Variants in SV2C observed in about 807,000 individuals in gnomAD.
The protein encoded by SV2C is synaptic vesicle glycoprotein 2C.
Under a neutral mutation model 79.7 loss-of-function variants are expected in SV2C, and 49 were observed. The ratio of observed to expected loss-of-function variants is 0.61; its 90% CI spans 0.49 to 0.78. The LOEUF (loss-of-function observed/expected upper bound fraction) is 0.78, where lower values mean the gene tolerates loss of function less well. SV2C is among the 30% of genes least tolerant of loss of function. The probability of loss-of-function intolerance (pLI) is 0.00; values close to 1 mark genes in which losing one functional copy is unlikely to be tolerated. For synonymous variants in SV2C, 334 were observed against 333.2 expected (o/e 1.00, Z -0.03); for missense variants, 833 against 912.9 (o/e 0.91, Z 1.13).
At chr5:75,910,735 G>A in the SV2C span, 171 of 1,373,366 alleles carry the variant, frequency 1.2e-4, no homozygotes, top group Non-Finnish European at 1.7e-4. Context: ...TTGAAGATCT[G>A]AACCAAAAAC....
At chr5:76,164,555 T>A (rs1293629474) in intron 2 of SV2C, among the ~76,000 whole-genome samples, 1 of 152,230 alleles carries the variant, frequency 6.6e-6, no homozygotes, top group African/African-American at 2.4e-5. Flanking sequence ...TGAAGTTAAA[T>A]CATGTGACTA....
At chr5:76,057,524 G>A in the SV2C span, among the ~76,000 whole-genome samples, 3 of 152,060 alleles carry the variant, frequency 2.0e-5, no homozygotes, top group Admixed American at 6.6e-5. Context: ...TGATGGTGAA[G>A]TTTTAAATAA....
At chr5:76,229,872 G>T (rs1423257047) in intron 4 of SV2C, among the ~76,000 whole-genome samples, 1 of 152,236 alleles carries the variant, frequency 6.6e-6, no homozygotes, top group Non-Finnish European at 1.5e-5. Context: ...TGCTGGTGCA[G>T]TCATTCTGGA....
At chr5:76,039,997 T>A in the SV2C span, among the ~76,000 whole-genome samples, 2 of 152,166 alleles carry the variant, frequency 1.3e-5, no homozygotes, top group African/African-American at 2.4e-5. Context: ...GTAATAGTAA[T>A]GGCATCTTTT....
the SV2C span, among the ~76,000 whole-genome samples, chr5:75,970,958 T>C: frequency 6.6e-6 from 1 of 151,966 alleles, no homozygotes. Flanking sequence ...CAGCAGCACA[T>C]CAAAAAGCTT....
intron 4 of SV2C, among the ~76,000 whole-genome samples, chr5:76,254,818 T>A (rs938354848): frequency 1.3e-5 from 2 of 152,224 alleles, no homozygotes; most frequent in African/African-American, 4.8e-5. Flanking sequence ...CATGTATTAT[T>A]ATTGTAACCA....
chr5:75,987,967 T>C, the SV2C span, among the ~76,000 whole-genome samples: 1 of 152,034 alleles, frequency 6.6e-6, no homozygotes, highest in Non-Finnish European at 1.5e-5. Flanking sequence ...GTTACTGATT[T>C]GTAAAATGAG....
intron 2 of SV2C, among the ~76,000 whole-genome samples, chr5:76,181,551 G>A (rs2112300607): frequency 6.6e-6 from 1 of 152,226 alleles, no homozygotes. Flanking sequence ...TACAATCTTG[G>A]CAGAAGGTGA....
chr5:75,891,268 C>A, the SV2C span, among the ~76,000 whole-genome samples: 2 of 152,126 alleles, frequency 1.3e-5, no homozygotes, highest in African/African-American at 4.8e-5. Context: ...TAACCAGGAA[C>A]TGGGTCTCCT....
chr5:76,075,098 G>A, the SV2C span, among the ~76,000 whole-genome samples: 1 of 152,142 alleles, frequency 6.6e-6, no homozygotes, highest in South Asian at 2.1e-4. Context: ...GCACACCAGG[G>A]TTCTGGCACC....
the SV2C span, among the ~76,000 whole-genome samples, chr5:75,906,044 G>C: frequency 4.0e-5 from 6 of 151,396 alleles, no homozygotes; most frequent in Non-Finnish European, 8.8e-5. Flanking sequence ...AGTGGAGATG[G>C]AACAGCACAG....
chr5:76,041,934 C>A, the SV2C span, among the ~76,000 whole-genome samples: 3 of 152,238 alleles, frequency 2.0e-5, no homozygotes, highest in South Asian at 2.1e-4. Flanking sequence ...AGAACTCCCC[C>A]CAAAATCCAG....
intron 4 of SV2C, among the ~76,000 whole-genome samples, chr5:76,252,848 G>A (rs1349087632): frequency 6.6e-6 from 1 of 152,150 alleles, no homozygotes; most frequent in East Asian, 1.9e-4. Flanking sequence ...GACAAACTCT[G>A]TCTCATTCTA....
chr5:76,049,182 A>T, the SV2C span, among the ~76,000 whole-genome samples: 2 of 151,914 alleles, frequency 1.3e-5, no homozygotes, highest in Non-Finnish European at 2.9e-5. Context: ...CTAAAACTAC[A>T]AAAAATTAGC....
At chr5:76,236,576 A>T (rs1418678651) in intron 4 of SV2C, among the ~76,000 whole-genome samples, 3 of 151,594 alleles carry the variant, frequency 2.0e-5, no homozygotes, top group African/African-American at 7.3e-5. Flanking sequence ...AAATAAAATA[A>T]AATAAAGAGA....
chr5:76,018,647 T>A, the SV2C span, among the ~76,000 whole-genome samples: 2 of 152,170 alleles, frequency 1.3e-5, no homozygotes, highest in South Asian at 4.1e-4. Flanking sequence ...AATGTATCAA[T>A]GGTAATAGGA....
At chr5:76,293,817 G>A (rs1183675888) in intron 8 of SV2C, among the ~76,000 whole-genome samples, 1 of 152,162 alleles carries the variant, frequency 6.6e-6, no homozygotes, top group African/African-American at 2.4e-5. Context: ...CAACCACCCA[G>A]GAAGGTGGAT....
At chr5:75,964,093 G>A in the SV2C span, among the ~76,000 whole-genome samples, 10 of 151,946 alleles carry the variant, frequency 6.6e-5, no homozygotes, top group African/African-American at 2.4e-4. Flanking sequence ...CTGTCTCTTG[G>A]AGTATTTCTG....
At chr5:76,082,067 T>G (rs1014018853), upstream of SV2C, 1 of 152,330 alleles carries the variant, frequency 6.6e-6, no homozygotes, top group Non-Finnish European at 1.5e-5. Flanking sequence ...TTCCAATCAC[T>G]GCAGCCCGTA....
Sources: allele counts gnomAD v4.1 joint callset (sites outside exome capture counted in the v4.1 genomes callset), GRCh38; gene constraint gnomAD v4.1.1; transcripts MANE v1.5; gene names NCBI Gene and HGNC (gene_info 2026-07-23, HGNC 2026-07-21).